The following OBSL1 variants were observed in gnomAD, a reference collection of about 807,000 sequenced individuals.
The protein encoded by OBSL1 is obscurin like cytoskeletal adaptor 1, also known as obscurin-like protein 1.
Under a neutral mutation model 172.0 loss-of-function variants are expected in OBSL1, and 160 were observed. The observed-to-expected ratio is 0.93, with a 90% CI of 0.82 to 1.06. The LOEUF (loss-of-function observed/expected upper bound fraction) is 1.06. Among genes scored for constraint, OBSL1 ranks in the 50% least tolerant of loss-of-function variants. The pLI is 0.00. For missense variants in OBSL1, 2,681 were observed against 2,715.4 expected (o/e 0.99, Z 0.28); for synonymous variants, 1,200 against 1,196.3 (o/e 1.00, Z -0.06).
Position 219,558,168 on chromosome 2 carries a change from G to T in OBSL1, c.3502+16C>A, listed in dbSNP as rs966010854. On this transcript the variant is annotated intron_variant, in intron 10 of 20. Coordinates refer to ENST00000404537, the MANE Select transcript of OBSL1 (RefSeq NM_015311.3). ...TGCCCTTGCCTCCCTGCCCTGGGTTGGCCAGGAGCACCCACCAGCCAGGAT... is the reference window on the plus strand; with the variant it reads ...TGCCCTTGCCTCCCTGCCCTGGGTTTGCCAGGAGCACCCACCAGCCAGGAT... The T allele has an allele frequency of 6.2e-7, 1 of 1,608,312 alleles. No homozygotes were observed. The highest frequency in any genetic ancestry group is 1.3e-5 in the African/African-American group (1 of 74,808).
At chr2:219,567,151 G>C (rs746624125) in intron 4 of OBSL1, 25 bp from the exon 5 acceptor site, 2 of 1,607,804 alleles carry the variant, frequency 1.2e-6, no homozygotes, top group Non-Finnish European at 1.7e-6. Flanking sequence ...GAGTGCAGCT[G>C]TCAGAACTAG....
In OBSL1 at chr2:219,556,632, T is replaced by A; in HGVS notation, c.4158A>T (p.Pro1386=). 2 of 1,613,954 alleles carry A rather than the reference T, an allele frequency of 1.2e-6. No individual in the cohort carries two copies. The highest frequency in any genetic ancestry group is 1.7e-6 in the Non-Finnish European group (2 of 1,179,868). ...TGCGCAGCCAGGTGACATCGGCATC[T>A]GGTGGGGAGACTTCACACCGGAACG... The part of the protein sequence containing the change: ...DATFRCEVSP[P]DADVTWLRNG... Residue 1386 remains proline, a synonymous_variant, in exon 13 of 21, where the codon CCA becomes CCT. Transcript: ENST00000404537.
In OBSL1 at chr2:219,558,061, A is replaced by G. The variant is rs752463311; in HGVS notation, c.3552T>C (p.Cys1184=). The change falls in exon 11 of 21, where the codon TGT becomes TGC. Residue 1184 remains cysteine, a synonymous_variant. Coordinates refer to ENST00000404537, the MANE Select transcript of OBSL1 (RefSeq NM_015311.3). ...GCACCACTGGCTCCCCAGGGGCCAC[A>G]CAGAGCGGGCTTGGAGTTGTCTCTA... ...LALETTPSPL[C]VAPGEPVVLS... is the part of the protein sequence containing the mutation. 5 of 1,613,674 alleles carry G rather than the reference A, an allele frequency of 3.1e-6. No homozygotes were observed. The South Asian group carries it at 5.5e-5, about 18-fold the overall frequency.
Position 219,556,676 on chromosome 2 carries a change from G to C in OBSL1, c.4114C>G (p.His1372Asp). 1.9e-6 allele frequency: 3 copies of C among 1,611,040 alleles called. No individual in the cohort carries two copies. Among genetic ancestry groups the C allele is most frequent in the Non-Finnish European group, 2.5e-6 (3 of 1,177,428 alleles). ...LVSELTPLTV[H>D]EGDDATFRCE... ...CGGAACGTGGCATCATCGCCCTCGTGGACAGTGAGTGGTGTCAGCTCCGAG... is the reference window on the plus strand; with the variant it reads ...CGGAACGTGGCATCATCGCCCTCGTCGACAGTGAGTGGTGTCAGCTCCGAG... The change falls in exon 13 of 21, where the codon CAC (histidine) becomes GAC (aspartate). Residue 1372 changes from histidine to aspartate, a missense_variant. His to Asp is a moderately conservative substitution (Grantham distance 81). Around this residue, in one of 5 missense-constraint regions of OBSL1, gnomAD observed 1,765 missense variants for 1,748.3 expected, o/e 1.01. Coordinates refer to ENST00000404537, the MANE Select transcript of OBSL1 (RefSeq NM_015311.3).
Position 219,570,857 on chromosome 2 carries a change from C to G in OBSL1, c.376G>C (p.Gly126Arg), listed in dbSNP as rs1482805933. Residue 126 changes from glycine (G) to arginine (R), a missense_variant, in exon 1 of 21, where the codon GGC becomes CGC. By Grantham distance (125) the Gly-to-Arg change is moderately radical (BLOSUM62 -2). Around this residue, in one of 5 missense-constraint regions of OBSL1, gnomAD observed 706 missense variants for 695.8 expected, o/e 1.01. Coordinates refer to ENST00000404537, the MANE Select transcript of OBSL1 (RefSeq NM_015311.3). Reference sequence around the variant, plus strand: ...GGCCCCGTGAGGAAGACCGGGGCGCCCTCCCCGGACCCCGGCGATGGCAGC... The same window carrying G: ...GGCCCCGTGAGGAAGACCGGGGCGCGCTCCCCGGACCCCGGCGATGGCAGC... ...RPLPSPGSGEGAPVFLTGPRS... is the reference protein window; with the variant it reads ...RPLPSPGSGERAPVFLTGPRS... The G allele has an allele frequency of 3.4e-5, 48 of 1,414,208 alleles. No homozygotes were observed. 87.6% of individuals were successfully genotyped at this position (1,414,208 alleles called of 1,614,324 possible). A position where few individuals can be genotyped will look rare whatever the true frequency, so the allele number is the denominator to read the frequency against.
At chr2:219,549,822 A>G, downstream of OBSL1, 1 of 1,614,050 alleles carries the variant, frequency 6.2e-7, no homozygotes, top group Non-Finnish European at 8.5e-7. Context: ...GGGACCTCTG[A>G]CAGCCTGCTC....
Position 219,567,754 on chromosome 2 carries a change from C to T in OBSL1, c.1498G>A (p.Gly500Ser), listed in dbSNP as rs566593485. Residue 500 changes from glycine (G) to serine (S), a missense_variant, in exon 3 of 21, where the codon GGC becomes AGC. This residue lies in a region of OBSL1 where 706 missense variants were observed against 695.8 expected (regional missense o/e 1.01). Transcript: ENST00000404537. ...EDAGEVTFSL[G>S]NSRTTTLLRV... ...AGAAGCGTAGTGGTACGGGAGTTGC[C>T]CAGGCTAAAGGTGACCTCGCCAGCA... is the stretch of plus-strand genomic sequence containing the variant. The T allele has an allele frequency of 4.2e-5, 68 of 1,613,362 alleles. 1 individual carries two copies. The South Asian group carries it at 6.5e-4, about 15-fold the overall frequency.
intron 7 of OBSL1, chr2:219,563,138 A>C: frequency 3.7e-6 from 2 of 540,802 alleles, no homozygotes; most frequent in East Asian, 5.7e-5. Context: ...AGAATAGAGA[A>C]AGCCAGGCTT....
rs1367495855 is a variant in OBSL1 at position 219,554,640 on chromosome 2, C to T, written c.4710G>A (p.Gly1570=). Residue 1570 remains glycine (G), a synonymous_variant, in exon 15 of 21, where the codon GGG becomes GGA. Transcript: ENST00000404537. ...QLELSQEGVT[G]EWARGGVQLY... ...GCTGTACTCCACCCCGGGCCCACTC[C>T]CCGGTCACACCTTCCTGGGACAGCT... The T allele has an allele frequency of 6.2e-7, 1 of 1,610,446 alleles. No homozygotes were observed. Among genetic ancestry groups the T allele is most frequent in the Non-Finnish European group, 8.5e-7 (1 of 1,178,480 alleles).
intron 18 of OBSL1, 140 bp downstream of exon 18, chr2:219,552,396 G>T: frequency 1.1e-6 from 1 of 894,704 alleles, no homozygotes; most frequent in Non-Finnish European, 1.7e-6. Flanking sequence ...GGGGGCGGGG[G>T]AAAGAACAGG....
At chr2:219,549,682 C>T (rs764679713), downstream of OBSL1, 35 of 1,606,358 alleles carry the variant, frequency 2.2e-5, no homozygotes, top group African/African-American at 9.4e-5. Context: ...CAGGATTCTG[C>T]GGTGGGACTC....
intron 5 of OBSL1, among the ~76,000 whole-genome samples, chr2:219,566,462 C>T (rs931457048): frequency 2.6e-5 from 4 of 152,126 alleles, no homozygotes; most frequent in African/African-American, 7.2e-5. Flanking sequence ...GCGCCTGGCA[C>T]GTAGAAAGTT....
At chr2:219,559,144 G>T (rs1696264375) in intron 9 of OBSL1, 81 bp downstream of exon 9, 2 of 1,326,286 alleles carry the variant, frequency 1.5e-6, no homozygotes, top group Non-Finnish European at 2.1e-6. Context: ...GGGATGGGGT[G>T]GGGGAGGTGG....
downstream of OBSL1, chr2:219,548,189 G>A (rs1024946964): frequency 6.3e-5 from 66 of 1,049,214 alleles, no homozygotes; most frequent in South Asian, 8.6e-5. Context: ...CCTCGATGGC[G>A]GTAGAGAGCT....
At position 219,557,549 on chromosome 2, in the gene OBSL1, A is replaced by T; in HGVS notation, c.3860T>A (p.Leu1287Gln). 6.4e-7 allele frequency: 1 copy of T among 1,553,252 alleles called. No homozygotes were observed. Among genetic ancestry groups the T allele is most frequent in the Non-Finnish European group, 8.7e-7 (1 of 1,148,780 alleles). ...CCCGGAGAGGTGCACCACCAGCTCT[A>T]GGTCCCCGCCTGGGGTGCTCCGAAC... The part of the protein sequence containing the change: ...TRVRSTPGGD[L>Q]ELVVHLSGPG... Residue 1287 changes from leucine to glutamine, a missense_variant, in exon 12 of 21, where the codon CTA becomes CAA. This residue lies in a region of OBSL1 where 1,765 missense variants were observed against 1,748.3 expected (regional missense o/e 1.01). Transcript: ENST00000404537.
rs750681054 is a variant in OBSL1, at chr2:219,558,402, G to A, written c.3284C>T (p.Ala1095Val). The change falls in exon 10 of 21, where the codon GCT (alanine) becomes GTT (valine). Residue 1095 changes from alanine (A) to valine (V), a missense_variant. Ala to Val is a moderately conservative substitution (Grantham distance 64). Coordinates refer to ENST00000404537, the MANE Select transcript of OBSL1 (RefSeq NM_015311.3). ...AARSLDLHFG[A>V]PGRVELRCEV... ...ACAGCGCAGCTCCACGCGCCCTGGAGCCCCAAAATGCAGATCCAGGGAGCG... is the reference window on the plus strand; with the variant it reads ...ACAGCGCAGCTCCACGCGCCCTGGAACCCCAAAATGCAGATCCAGGGAGCG... 4.4e-6 allele frequency: 7 copies of A among 1,604,256 alleles called. No homozygotes were observed. The African/African-American group carries it at 5.4e-5, about 12-fold the overall frequency.
chr2:219,561,591 G>GCCGTGTCTGCGTGCTGCTGGCTC (rs1252065682), intron 8 of OBSL1: 3 of 445,174 alleles, frequency 6.7e-6, no homozygotes, highest in African/African-American at 6.0e-5. Context: ...GAGGGAAGCG[G>GCCGTGTCTGCGTGCTGCTGGCTC]CCGTGTCTGC....
Position 219,552,614 on chromosome 2 carries a change from C to T in OBSL1, c.5230G>A (p.Glu1744Lys), listed in dbSNP as rs1695712393. The change falls in exon 18 of 21, where the codon GAG becomes AAG. Residue 1744 changes from glutamate to lysine, a missense_variant. By Grantham distance (56) the Glu-to-Lys change is moderately conservative. Coordinates refer to ENST00000404537, the MANE Select transcript of OBSL1 (RefSeq NM_015311.3). ...DGATFECTVSEVETTGRWELG... is the reference protein window; with the variant it reads ...DGATFECTVSKVETTGRWELG... ...TCCCAGCGCCCCGTGGTCTCGACCT[C>T]CGACACGGTGCACTCGAACGTAGCG... is the stretch of plus-strand genomic sequence containing the variant. 2 of 1,574,472 alleles carry T rather than the reference C, an allele frequency of 1.3e-6. No homozygotes were observed. Among genetic ancestry groups the T allele is most frequent in the Non-Finnish European group, 1.7e-6 (2 of 1,166,556 alleles).
chr2:219,558,111 C>T lies in OBSL1; in HGVS notation c.3503-1G>A. 6.2e-7 allele frequency: 1 copy of T among 1,613,240 alleles called. No individual in the cohort carries two copies. The highest frequency in any genetic ancestry group is 8.5e-7 in the Non-Finnish European group (1 of 1,179,628). On this transcript the variant is annotated splice_acceptor_variant, in intron 10 of 20. Transcript: ENST00000404537. LOFTEE classifies it high-confidence loss of function. ...AGAGCAAGGAACTGCACTGGAGGCT[C>T]TGGAGAAGAGAGGAAGGTGTCATCC...
Sources: allele counts gnomAD v4.1 joint callset (sites outside exome capture counted in the v4.1 genomes callset), GRCh38; gene constraint gnomAD v4.1.1; regional missense constraint gnomAD v4.1.1; transcripts MANE v1.5; gene names NCBI Gene and HGNC (gene_info 2026-07-23, HGNC 2026-07-21).